Variants in PROS1 observed in about 807,000 individuals in gnomAD.
The protein encoded by PROS1 is protein S, also known as vitamin K-dependent protein S.
PROS1 carries 29 observed loss-of-function variants against 75.9 expected under a neutral mutation model. The observed-to-expected ratio is 0.38, with a 90% CI of 0.28 to 0.52. The LOEUF (loss-of-function observed/expected upper bound fraction) is 0.52. Among genes scored for constraint, PROS1 ranks in the 20% least tolerant of loss-of-function variants. The pLI is 0.83. For missense variants in PROS1, 680 were observed against 810.3 expected (o/e 0.84, Z 1.95); for synonymous variants, 245 against 280.6 (o/e 0.87, Z 1.27).
At chr3:93,922,524 T>C (rs1334667640) in intron 3 of PROS1, among the ~76,000 whole-genome samples, 1 of 152,244 alleles carries the variant, frequency 6.6e-6, no homozygotes, top group Non-Finnish European at 1.5e-5. Flanking sequence ...TGTAGGCCAA[T>C]TGAAGTGCTT....
At chr3:93,920,735 G>A (rs1283331184) in intron 3 of PROS1, among the ~76,000 whole-genome samples, 2 of 151,816 alleles carry the variant, frequency 1.3e-5, no homozygotes, top group South Asian at 2.1e-4. Flanking sequence ...TATTCATTAG[G>A]TATAATGTTT....
chr3:93,896,799 T>C, intron 8 of PROS1, 108 bp from the exon 9 acceptor site: 1 of 757,254 alleles, frequency 1.3e-6, no homozygotes, highest in Admixed American at 2.1e-5. Context: ...ATGTATCATC[T>C]GTAATACACT....
intron 3 of PROS1, among the ~76,000 whole-genome samples, chr3:93,917,921 G>A (rs1048346120): frequency 6.6e-6 from 1 of 152,112 alleles, no homozygotes; most frequent in African/African-American, 2.4e-5. Context: ...CCCACCCCCT[G>A]CTCCAGGGCG....
chr3:93,924,298 A>G (rs763371720), intron 2 of PROS1, 34 bp from the exon 3 acceptor site: 1 of 1,217,090 alleles, frequency 8.2e-7, no homozygotes, highest in Non-Finnish European at 1.1e-6. Context: ...TATCTTAGCA[A>G]ACCTAAATTT....
intron 9 of PROS1, among the ~76,000 whole-genome samples, chr3:93,893,564 G>C (rs1007422482): frequency 1.3e-5 from 2 of 151,740 alleles, no homozygotes; most frequent in Non-Finnish European, 2.9e-5. Flanking sequence ...TGTTTTTGCT[G>C]TATCCATAAG....
intron 13 of PROS1, 88 bp downstream of exon 13, chr3:93,879,075 A>T: frequency 1.5e-6 from 2 of 1,305,846 alleles, no homozygotes; most frequent in Non-Finnish European, 2.1e-6. Context: ...TAATCTTCAA[A>T]ATAGTCCTTT....
At chr3:93,944,389 G>A (rs1364362604) in intron 1 of PROS1, among the ~76,000 whole-genome samples, 1 of 152,122 alleles carries the variant, frequency 6.6e-6, no homozygotes, top group Admixed American at 6.6e-5. Flanking sequence ...CCACATCAAT[G>A]ACCACATAGT....
Position 93,973,843 on chromosome 3 carries a change from G to T in PROS1, c.-94C>A. 2.7e-6 allele frequency: 3 copies of T among 1,102,268 alleles called. No individual in the cohort carries two copies. Among genetic ancestry groups the T allele is most frequent in the East Asian group, 3.1e-5 (1 of 32,380 alleles). The allele number at this position is 1,102,268 out of a possible 1,614,324, so 68.3% of individuals were successfully genotyped here. On this transcript the variant is annotated 5_prime_UTR_variant, in exon 1 of 15. Coordinates refer to ENST00000394236, the MANE Select transcript of PROS1 (RefSeq NM_000313.4). ...GCGGAGCTGCGAGCCTGTGCGCCTC[G>T]GTCTGAGCCGTGCTGCGCGGCGGCG... is the stretch of plus-strand genomic sequence containing the variant.
intron 12 of PROS1, among the ~76,000 whole-genome samples, chr3:93,879,554 T>A (rs1708244731): frequency 6.6e-6 from 1 of 152,180 alleles, no homozygotes; most frequent in East Asian, 1.9e-4. Flanking sequence ...TTCTGGATTG[T>A]GGTGTTAAGG....
At chr3:93,919,586 T>C (rs559805830) in intron 3 of PROS1, among the ~76,000 whole-genome samples, 86 of 152,284 alleles carry the variant, frequency 5.6e-4, no homozygotes, top group Admixed American at 2.0e-3. Context: ...ATGTCTCTCT[T>C]GTAAGATAAA....
At position 93,905,922 on chromosome 3, in the gene PROS1, C is replaced by T. The variant is rs1559935277; in HGVS notation, c.470-7G>A. ...TCTTTGCATTCATTTATGTCTAAAA[C>T]AGGAAAAAAATAAATTATTTTTAAA... On this transcript the variant is annotated splice_polypyrimidine_tract_variant and splice_region_variant and intron_variant, in intron 5 of 14. Coordinates refer to ENST00000394236, the MANE Select transcript of PROS1 (RefSeq NM_000313.4). The T allele has an allele frequency of 6.2e-7, 1 of 1,612,324 alleles. No individual in the cohort carries two copies. Among genetic ancestry groups the T allele is most frequent in the Non-Finnish European group, 8.5e-7 (1 of 1,179,266 alleles).
At chr3:93,944,936 G>T (rs972017945) in intron 1 of PROS1, among the ~76,000 whole-genome samples, 4 of 151,658 alleles carry the variant, frequency 2.6e-5, no homozygotes, top group African/African-American at 9.7e-5. Context: ...TAATAAAGAA[G>T]AAAAGAGAGA....
At chr3:93,885,602 G>A (rs1245454966) in intron 11 of PROS1, among the ~76,000 whole-genome samples, 1 of 152,144 alleles carries the variant, frequency 6.6e-6, no homozygotes, top group Non-Finnish European at 1.5e-5. Context: ...ACACAAAAGT[G>A]TTTGCATTCT....
chr3:93,900,730 A>G, intron 7 of PROS1, 74 bp downstream of exon 7: 1 of 1,590,664 alleles, frequency 6.3e-7, no homozygotes, highest in Admixed American at 1.7e-5. Context: ...AAACAAAGCC[A>G]ATGCTTTTAA....
intron 9 of PROS1, among the ~76,000 whole-genome samples, chr3:93,894,851 C>G (rs905220266): frequency 1.3e-5 from 2 of 152,118 alleles, no homozygotes; most frequent in Non-Finnish European, 2.9e-5. Flanking sequence ...TCGGTACATA[C>G]TTTATATTTC....
rs1559933978 is a variant in PROS1, at chr3:93,900,921, C to T, written c.610G>A (p.Glu204Lys). 1 of 1,613,792 alleles carries T rather than the reference C, an allele frequency of 6.2e-7. No homozygotes were observed. The highest frequency in any genetic ancestry group is 8.5e-7 in the Non-Finnish European group (1 of 1,179,880). The change falls in exon 7 of 15, where the codon GAA (glutamate) becomes AAA (lysine). Residue 204 changes from glutamate (E) to lysine (K), a missense_variant. Coordinates refer to ENST00000394236, the MANE Select transcript of PROS1 (RefSeq NM_000313.4). The part of the protein sequence containing the change: ...SNKKDCKDVD[E>K]CSLKPSICGT... ...CAAATGCTTGGCTTCAAAGAGCATT[C>T]ATCCACATCTATAAATAAAATCACT...
intron 1 of PROS1, among the ~76,000 whole-genome samples, chr3:93,934,213 A>C (rs1311715657): frequency 6.6e-6 from 1 of 151,994 alleles, no homozygotes; most frequent in African/African-American, 2.4e-5. Flanking sequence ...ATAATGGTAA[A>C]AAAATAATAA....
At chr3:93,890,829 G>A (rs561775909) in intron 10 of PROS1, among the ~76,000 whole-genome samples, 3 of 152,156 alleles carry the variant, frequency 2.0e-5, no homozygotes, top group African/African-American at 7.2e-5. Context: ...TTCTTGTCTG[G>A]GTGCAGTGGC....
chr3:93,900,727 G>A, intron 7 of PROS1, 77 bp downstream of exon 7: 1 of 1,584,182 alleles, frequency 6.3e-7, no homozygotes, highest in Non-Finnish European at 8.6e-7. Context: ...GTCAAACAAA[G>A]CCAATGCTTT....
Sources: gnomAD v4.1 joint callset for allele counts (sites outside exome capture counted in the v4.1 genomes callset) on GRCh38, gnomAD v4.1.1 for gene constraint, MANE v1.5 for transcripts, NCBI Gene and HGNC (gene_info 2026-07-23, HGNC 2026-07-21) for gene names.